NAALADL2: variants seen among roughly 807,000 people sequenced by gnomAD.
NAALADL2 encodes the protein inactive N-acetylated-alpha-linked acidic dipeptidase-like protein 2.
Under a neutral mutation model 87.2 loss-of-function variants are expected in NAALADL2, and 76 were observed. The observed-to-expected ratio is 0.87, with a 90% CI of 0.72 to 1.05. The LOEUF is 1.05. NAALADL2 is among the 50% of genes least tolerant of loss of function. The probability of loss-of-function intolerance (pLI) is 0.00; values close to 1 mark genes in which losing one functional copy is unlikely to be tolerated. For synonymous variants in NAALADL2, 354 were observed against 331.0 expected (o/e 1.07, Z -0.75); for missense variants, 1,089 against 945.8 (o/e 1.15, Z -1.99).
At chr3:175,198,636 A>T (rs879349271) in intron 2 of NAALADL2, among the ~76,000 whole-genome samples, 1 of 152,106 alleles carries the variant, frequency 6.6e-6, no homozygotes, top group South Asian at 2.1e-4. Context: ...GGTTGCAGTG[A>T]TAAACTACAA....
intron 4 of NAALADL2, among the ~76,000 whole-genome samples, chr3:175,301,092 G>T (rs55995004): frequency 6.6e-6 from 1 of 151,882 alleles, no homozygotes; most frequent in South Asian, 2.1e-4. Context: ...TCGTGTCTCT[G>T]TCTCTTTCAG....
chr3:174,911,559 G>A (rs1733712972), intron 1 of NAALADL2, among the ~76,000 whole-genome samples: 1 of 152,070 alleles, frequency 6.6e-6, no homozygotes, highest in Non-Finnish European at 1.5e-5. Context: ...TTAGGGAGGG[G>A]CAATATAGGC....
chr3:175,166,243 A>C (rs1733986695), intron 2 of NAALADL2, among the ~76,000 whole-genome samples: 1 of 151,986 alleles, frequency 6.6e-6, no homozygotes, highest in African/African-American at 2.4e-5. Flanking sequence ...AATTGCACAT[A>C]AACTTATTAT....
intron 5 of NAALADL2, among the ~76,000 whole-genome samples, chr3:175,445,245 C>T (rs533298936): frequency 9.9e-4 from 151 of 152,072 alleles, no homozygotes; most frequent in African/African-American, 3.5e-3. Context: ...CTATTCTATT[C>T]GTGTACTTTT....
chr3:174,466,724 G>C (rs972137971), intron 1 of NAALADL2, among the ~76,000 whole-genome samples: 2 of 152,130 alleles, frequency 1.3e-5, no homozygotes. Context: ...CAAGGCCCGG[G>C]TGACTCCTGC....
At chr3:175,385,904 C>T (rs1402564332) in intron 5 of NAALADL2, among the ~76,000 whole-genome samples, 1 of 151,916 alleles carries the variant, frequency 6.6e-6, no homozygotes, top group Non-Finnish European at 1.5e-5. Flanking sequence ...CTTCTATATG[C>T]CCAAGGAAGA....
intron 1 of NAALADL2, among the ~76,000 whole-genome samples, chr3:175,071,343 A>G (rs754228633): frequency 8.5e-5 from 13 of 152,110 alleles, no homozygotes; most frequent in African/African-American, 3.1e-4. Flanking sequence ...ATTTTTGGAA[A>G]CATAACCTTA....
chr3:174,751,294 T>C (rs1734792796), intron 3 of NAALADL2, among the ~76,000 whole-genome samples: 1 of 152,120 alleles, frequency 6.6e-6, no homozygotes, highest in Non-Finnish European at 1.5e-5. Context: ...TTTGACAGAT[T>C]TTCAGCATAT....
intron 1 of NAALADL2, among the ~76,000 whole-genome samples, chr3:174,954,278 C>T (rs1488624167): frequency 6.6e-6 from 1 of 152,082 alleles, no homozygotes; most frequent in Non-Finnish European, 1.5e-5. Flanking sequence ...TTTAAACCAT[C>T]TGAGAAATGT....
chr3:175,217,593 T>C (rs1187981948), intron 2 of NAALADL2, among the ~76,000 whole-genome samples: 1 of 152,222 alleles, frequency 6.6e-6, no homozygotes, highest in South Asian at 2.1e-4. Flanking sequence ...TTGGTACTTA[T>C]TTCTCAAGTT....
At chr3:175,107,532 AC>A (rs1253495633) in intron 2 of NAALADL2, among the ~76,000 whole-genome samples, 10 of 151,524 alleles carry the variant, frequency 6.6e-5, no homozygotes, top group South Asian at 4.2e-4. Context: ...ACACACACAC[AC>A]AAACACACAC....
intron 9 of NAALADL2, among the ~76,000 whole-genome samples, chr3:175,561,596 G>A (rs1474863870): frequency 6.6e-6 from 1 of 152,070 alleles, no homozygotes; most frequent in Non-Finnish European, 1.5e-5. Context: ...TACAAAATAT[G>A]TATACTGTAT....
intron 9 of NAALADL2, among the ~76,000 whole-genome samples, chr3:175,561,570 TCTACAAAATA>T (rs1716275282): frequency 6.6e-6 from 1 of 152,186 alleles, no homozygotes; most frequent in African/African-American, 2.4e-5. Flanking sequence ...AGACATGCTA[TCTACAAAATA>T]TGCTGTACAA....
At chr3:175,013,950 G>T (rs956145565) in intron 1 of NAALADL2, among the ~76,000 whole-genome samples, 2 of 152,132 alleles carry the variant, frequency 1.3e-5, no homozygotes, top group Admixed American at 1.3e-4. Context: ...TAAGGTGCAT[G>T]CATTGCATCA....
intron 5 of NAALADL2, among the ~76,000 whole-genome samples, chr3:175,383,406 C>T (rs951952593): frequency 2.1e-5 from 3 of 143,318 alleles, no homozygotes; most frequent in Admixed American, 1.4e-4. Context: ...CCTCACTTCA[C>T]GTCCATATCA....
chr3:174,880,662 A>G (rs1729082586), intron 1 of NAALADL2, among the ~76,000 whole-genome samples: 1 of 152,000 alleles, frequency 6.6e-6, no homozygotes, highest in African/African-American at 2.4e-5. Context: ...TATCCTTCTC[A>G]TAGGTCTGCT....
intron 11 of NAALADL2, among the ~76,000 whole-genome samples, chr3:175,659,890 G>C (rs75964086): frequency 0.038 from 5,709 of 152,198 alleles, 146 homozygotes; most frequent in Admixed American, 0.066. Context: ...TTTCAGTTGG[G>C]TACTGCCTGC....
intron 5 of NAALADL2, among the ~76,000 whole-genome samples, chr3:175,373,611 A>G (rs1349917963): frequency 6.6e-6 from 1 of 152,168 alleles, no homozygotes; most frequent in African/African-American, 2.4e-5. Context: ...TTATGAATCA[A>G]GGTAATATGA....
At chr3:174,930,613 A>AATTTTTTTTTTT (rs1188907600) in intron 1 of NAALADL2, among the ~76,000 whole-genome samples, 2 of 99,774 alleles carry the variant, frequency 2.0e-5, no homozygotes, top group African/African-American at 8.8e-5. Flanking sequence ...AATAAGATGA[A>AATTTTTTTTTTT]CTTTTTTTTT....
Sources: gnomAD v4.1 joint callset for allele counts (sites outside exome capture counted in the v4.1 genomes callset) on GRCh38, gnomAD v4.1.1 for gene constraint, MANE v1.5 for transcripts, NCBI Gene and HGNC (gene_info 2026-07-23, HGNC 2026-07-21) for gene names.